Variants in GNB4 observed in about 807,000 individuals in gnomAD.
GNB4 encodes the protein guanine nucleotide-binding protein subunit beta-4.
A neutral mutation model predicts 45.2 loss-of-function variants in GNB4; 28 were observed. The ratio of observed to expected loss-of-function variants is 0.62; its 90% CI spans 0.46 to 0.85. The LOEUF is 0.85. Among genes scored for constraint, GNB4 ranks in the 40% least tolerant of loss-of-function variants. The pLI is 0.00. For synonymous variants in GNB4, 132 were observed against 143.7 expected (o/e 0.92, Z 0.58); for missense variants, 321 against 425.4 (o/e 0.75, Z 2.16).
chr3:179,409,125 T>TAAAA (rs35623624), intron 8 of GNB4, among the ~76,000 whole-genome samples: 1 of 134,146 alleles, frequency 7.5e-6, no homozygotes, highest in Non-Finnish European at 1.6e-5. Context: ...TGAAACCCAG[T>TAAAA]AAAAAAAAAA....
the GNB4 span, among the ~76,000 whole-genome samples, chr3:179,493,985 T>C: frequency 1.3e-4 from 20 of 152,184 alleles, no homozygotes; most frequent in Non-Finnish European, 2.6e-4. Context: ...AACAGAAACA[T>C]GGAATGCTAG....
chr3:179,480,024 G>T, the GNB4 span, among the ~76,000 whole-genome samples: 1 of 152,178 alleles, frequency 6.6e-6, no homozygotes, highest in Non-Finnish European at 1.5e-5. Flanking sequence ...CTCATGAATG[G>T]ATTGATGTCA....
At chr3:179,522,938 ATGAGT>A in the GNB4 span, among the ~76,000 whole-genome samples, 1 of 152,126 alleles carries the variant, frequency 6.6e-6, no homozygotes, top group Non-Finnish European at 1.5e-5. Context: ...AAGGGTTGGG[ATGAGT>A]TAGGGAGAGC....
intron 1 of GNB4, among the ~76,000 whole-genome samples, chr3:179,430,385 T>A (rs887840322): frequency 6.6e-6 from 1 of 152,128 alleles, no homozygotes; most frequent in African/African-American, 2.4e-5. Context: ...TCACTGTACC[T>A]GGCCCTTCCT....
At chr3:179,413,854 A>G in intron 6 of GNB4, 73 bp from the exon 7 acceptor site, 2 of 1,074,012 alleles carry the variant, frequency 1.9e-6, no homozygotes, top group Non-Finnish European at 1.4e-6. Context: ...AAATAGCAAT[A>G]TATATTTTTA....
intron 2 of GNB4, among the ~76,000 whole-genome samples, chr3:179,421,140 G>C (rs1366593142): frequency 6.6e-6 from 1 of 151,988 alleles, no homozygotes; most frequent in Non-Finnish European, 1.5e-5. Context: ...TCACAATGTT[G>C]TGTGACCATC....
chr3:179,413,885 C>A, intron 6 of GNB4, 104 bp from the exon 7 acceptor site: 2 of 839,934 alleles, frequency 2.4e-6, no homozygotes, highest in South Asian at 1.6e-5. Context: ...ACTTGGGCAA[C>A]AAGTGTTTGT....
chr3:179,484,385 G>A, the GNB4 span, among the ~76,000 whole-genome samples: 7 of 152,158 alleles, frequency 4.6e-5, no homozygotes, highest in Admixed American at 6.5e-5. Flanking sequence ...CCATATCTGT[G>A]AATTTGCTTA....
At chr3:179,435,095 A>C (rs1010553720) in intron 1 of GNB4, among the ~76,000 whole-genome samples, 5 of 152,218 alleles carry the variant, frequency 3.3e-5, no homozygotes, top group Non-Finnish European at 7.3e-5. Context: ...AAGCTTAGGC[A>C]GGTTAAATAA....
chr3:179,449,921 T>G (rs1715826253), intron 1 of GNB4, among the ~76,000 whole-genome samples: 2 of 152,216 alleles, frequency 1.3e-5, no homozygotes, highest in Admixed American at 6.5e-5. Flanking sequence ...TGTGCTGACA[T>G]ACTTACATGC....
At position 179,398,655 on chromosome 3, in the gene GNB4, T is replaced by G; in HGVS notation, c.*2558A>C. On this transcript the variant is annotated 3_prime_UTR_variant, in exon 10 of 10. Transcript: ENST00000232564. ...TTCAACATCTCTACAAATTATATAC[T>G]CATTGAATTCAGGAACAATAACAGA... 1.3e-5 allele frequency: 2 copies of G among 152,174 alleles called. No homozygotes were observed. 9.4% of individuals were successfully genotyped at this position (152,174 alleles called of 1,614,324 possible).
chr3:179,515,764 C>T, the GNB4 span, among the ~76,000 whole-genome samples: 9 of 151,670 alleles, frequency 5.9e-5, no homozygotes, highest in South Asian at 2.1e-4. Flanking sequence ...CAAAAATTTT[C>T]GGGGGGTGGT....
At chr3:179,404,049 G>T (rs961346047) in intron 9 of GNB4, among the ~76,000 whole-genome samples, 5 of 151,886 alleles carry the variant, frequency 3.3e-5, no homozygotes, top group African/African-American at 1.2e-4. Flanking sequence ...AAATGGATCC[G>T]CTCCGAGACA....
At chr3:179,420,105 C>CAT (rs568257024) in intron 3 of GNB4, among the ~76,000 whole-genome samples, 52 of 150,370 alleles carry the variant, frequency 3.5e-4, no homozygotes, top group Admixed American at 1.6e-3. Context: ...TCTATACATA[C>CAT]ATATATATAT....
the GNB4 span, among the ~76,000 whole-genome samples, chr3:179,519,835 C>T: frequency 6.6e-6 from 1 of 152,182 alleles, no homozygotes. Context: ...CCTTACCCTG[C>T]TCAATGCCAA....
the GNB4 span, among the ~76,000 whole-genome samples, chr3:179,510,702 G>A: frequency 1.3e-5 from 2 of 152,042 alleles, no homozygotes; most frequent in East Asian, 3.9e-4. Context: ...TCTCCAATGT[G>A]AAGCTTCCTG....
At chr3:179,421,290 G>A (rs1225492000) in intron 2 of GNB4, among the ~76,000 whole-genome samples, 3 of 152,004 alleles carry the variant, frequency 2.0e-5, no homozygotes, top group African/African-American at 7.3e-5. Context: ...AAATTTGAGA[G>A]ATGTCAATAA....
the GNB4 span, among the ~76,000 whole-genome samples, chr3:179,458,569 C>T: frequency 2.6e-5 from 4 of 152,148 alleles, no homozygotes; most frequent in Non-Finnish European, 5.9e-5. Context: ...AGGACCCCCG[C>T]GGATACCAAA....
At chr3:179,475,663 A>G in the GNB4 span, among the ~76,000 whole-genome samples, 5 of 148,962 alleles carry the variant, frequency 3.4e-5, no homozygotes, top group South Asian at 4.3e-4. Context: ...TAGTAAAGAC[A>G]GGGTTTCACC....
Sources: allele counts gnomAD v4.1 joint callset (sites outside exome capture counted in the v4.1 genomes callset), GRCh38; gene constraint gnomAD v4.1.1; transcripts MANE v1.5; gene names NCBI Gene and HGNC (gene_info 2026-07-23, HGNC 2026-07-21).